Variants in TRPC4AP observed in about 807,000 individuals in gnomAD.
TRPC4AP encodes short transient receptor potential channel 4-associated protein.
TRPC4AP carries 45 observed loss-of-function variants against 99.0 expected under a neutral mutation model. The ratio of observed to expected loss-of-function variants is 0.45; its 90% confidence interval spans 0.36 to 0.58. The LOEUF is 0.58. Ranked by LOEUF, TRPC4AP falls within the 20% of genes least tolerant of loss-of-function variation. TRPC4AP has a pLI of 0.00. For missense variants in TRPC4AP, 879 were observed against 985.3 expected (o/e 0.89, Z 1.44); for synonymous variants, 408 against 385.8 (o/e 1.06, Z -0.67).
Position 35,007,634 on chromosome 20 carries a change from C to G in TRPC4AP, c.1602G>C (p.Trp534Cys). The change falls in exon 14 of 19, where the codon TGG (tryptophan) becomes TGC (cysteine). Residue 534 changes from tryptophan (W) to cysteine (C), a missense_variant. By Grantham distance (215) the Trp-to-Cys change is radical. Coordinates refer to ENST00000252015, the MANE Select transcript of TRPC4AP (RefSeq NM_015638.3). ...KEPAESSFRF[W>C]QARAVESFLR... Reference sequence around the variant, plus strand: ...GGAAACTCTCCACAGCCCGAGCTTGCCAAAACCTGCGACCCAAATACTGGC... The same window carrying G: ...GGAAACTCTCCACAGCCCGAGCTTGGCAAAACCTGCGACCCAAATACTGGC... 1 of 1,614,194 alleles carries G rather than the reference C, an allele frequency of 6.2e-7. No homozygotes were observed.
chr20:35,081,878 G>C (rs1338259562), intron 1 of TRPC4AP, among the ~76,000 whole-genome samples: 1 of 152,022 alleles, frequency 6.6e-6, no homozygotes, highest in Admixed American at 6.6e-5. Context: ...CCAGTTACTC[G>C]AGAGGCTGAG....
Position 35,030,100 on chromosome 20 carries a change from G to A in TRPC4AP, c.1051+5023C>T, listed in dbSNP as rs541403794. 2.0e-5 allele frequency among the ~76,000 whole-genome samples: 3 copies of A among 151,254 alleles called. No homozygotes were observed. In the South Asian group the frequency reaches 6.3e-4, roughly 32 times the overall value. ...CTACTAAAAATACAAAATTAGCTGG[G>A]CATGGTGGCACATGCCTGTAATCCC... is the stretch of plus-strand genomic sequence containing the variant. On this transcript the variant is annotated intron_variant, in intron 8 of 18. Transcript: ENST00000252015.
At chr20:35,011,036 G>A (rs1227697001) in intron 11 of TRPC4AP, among the ~76,000 whole-genome samples, 2 of 152,176 alleles carry the variant, frequency 1.3e-5, no homozygotes, top group African/African-American at 4.8e-5. Context: ...CCAGGCGGGT[G>A]GATCACGAGG....
At position 35,078,102 on chromosome 20, in the gene TRPC4AP, G is replaced by A; in HGVS notation, c.241C>T (p.Leu81=). 1 of 1,614,036 alleles carries A rather than the reference G, an allele frequency of 6.2e-7. No homozygotes were observed. Among genetic ancestry groups the A allele is most frequent in the Non-Finnish European group, 8.5e-7 (1 of 1,179,926 alleles). The part of the protein sequence containing the change: ...WSGIPQLLLK[L]HTTSHLHSDF... ...CTGTGGAGGTGGCTGGTGGTGTGCA[G>A]CTTGAGGAGCAGCTGAGGAATTCCA... Residue 81 remains leucine, a synonymous_variant, in exon 2 of 19, where the codon CTG becomes TTG. Transcript: ENST00000252015.
chr20:35,004,089 C>G (rs538805434), intron 17 of TRPC4AP, among the ~76,000 whole-genome samples: 5 of 152,210 alleles, frequency 3.3e-5, no homozygotes, highest in African/African-American at 4.8e-5. Context: ...ATCACCCTCA[C>G]TCTAGAAAAG....
At chr20:35,059,185 A>G (rs2083915553) in intron 3 of TRPC4AP, among the ~76,000 whole-genome samples, 1 of 152,178 alleles carries the variant, frequency 6.6e-6, no homozygotes, top group South Asian at 2.1e-4. Context: ...ACTGACCAAG[A>G]AAAAAGGAGA....
At chr20:35,068,984 A>AAACC (rs2084229554) in intron 3 of TRPC4AP, among the ~76,000 whole-genome samples, 1 of 140,174 alleles carries the variant, frequency 7.1e-6, no homozygotes, top group Non-Finnish European at 1.5e-5. Context: ...CACACAAAAA[A>AAACC]AACAAAACAT....
intron 6 of TRPC4AP, among the ~76,000 whole-genome samples, chr20:35,048,883 T>C (rs998687804): frequency 2.6e-5 from 4 of 152,188 alleles, no homozygotes; most frequent in Admixed American, 6.5e-5. Flanking sequence ...AGGGTCTGTC[T>C]GGGGCCTGCA....
intron 11 of TRPC4AP, among the ~76,000 whole-genome samples, chr20:35,012,641 C>T (rs1282798554): frequency 1.3e-5 from 2 of 152,214 alleles, no homozygotes; most frequent in Admixed American, 6.5e-5. Context: ...AGTAAGCAGT[C>T]GGCTTTGCCT....
intron 1 of TRPC4AP, among the ~76,000 whole-genome samples, chr20:35,089,632 T>C (rs956582185): frequency 1.3e-5 from 2 of 152,092 alleles, no homozygotes; most frequent in Admixed American, 6.6e-5. Context: ...AGGGGGATCA[T>C]GACGTCAGGA....
intron 1 of TRPC4AP, among the ~76,000 whole-genome samples, chr20:35,086,487 A>ATGTGTG (rs1569157697): frequency 1.2e-4 from 10 of 84,366 alleles, no homozygotes; most frequent in African/African-American, 8.7e-4. Context: ...ATGTGTGTGT[A>ATGTGTG]TATATATATG....
intron 3 of TRPC4AP, among the ~76,000 whole-genome samples, chr20:35,068,873 G>C (rs1047848947): frequency 1.3e-5 from 2 of 150,846 alleles, no homozygotes; most frequent in African/African-American, 2.4e-5. Flanking sequence ...GTACAGAATA[G>C]TGTAGCCGTG....
In TRPC4AP at chr20:35,092,628, C is replaced by CCAGG; in HGVS notation, c.150_153dup (p.Val52ProfsTer9). On this transcript the variant is annotated frameshift_variant, in exon 1 of 19. Transcript: ENST00000252015. LOFTEE classifies it high-confidence loss of function. ...CAGCCTCGTACCTGCACCGCCCGGA[C>CCAGG]CAGGCCCCGGCCGGTCAGCTGGCCC... The CCAGG allele has an allele frequency of 6.6e-7, 1 of 1,513,698 alleles. No individual in the cohort carries two copies. The highest frequency in any genetic ancestry group is 1.2e-5 in the South Asian group (1 of 82,308). The allele number at this position is 1,513,698 out of a possible 1,614,324, so 93.8% of individuals were successfully genotyped here.
chr20:35,079,485 G>C (rs780419253), intron 1 of TRPC4AP, among the ~76,000 whole-genome samples: 5 of 151,992 alleles, frequency 3.3e-5, no homozygotes, highest in African/African-American at 4.8e-5. Flanking sequence ...GTAAACTACA[G>C]AAAGAGCAGT....
At position 35,024,825 on chromosome 20, in the gene TRPC4AP, C is replaced by CAAAAAA. The variant is rs778161091; in HGVS notation, c.1052-3475_1052-3470dup. The stretch of plus-strand genomic sequence containing the variant: ...CCTAGGTGACAGAGAGAGACCGTCT[C>CAAAAAA]AAAAAAAAAAAAAAAAAAAAAAAAA... On this transcript the variant is annotated intron_variant, in intron 8 of 18. Transcript: ENST00000252015. 3.1e-4 allele frequency among the ~76,000 whole-genome samples: 11 copies of CAAAAAA among 35,860 alleles called. 1 individual carries two copies. The highest frequency in any genetic ancestry group is 3.4e-4 in the African/African-American group (3 of 8,750). The allele number at this position is 35,860 out of a possible 152,430, so 23.5% of individuals were successfully genotyped here.
At chr20:35,006,352 G>A in intron 15 of TRPC4AP, 83 bp downstream of exon 15, 2 of 1,536,536 alleles carry the variant, frequency 1.3e-6, no homozygotes, top group Middle Eastern at 1.7e-4. Flanking sequence ...CGTAAAACCT[G>A]TGCCTAAAGC....
intron 4 of TRPC4AP, among the ~76,000 whole-genome samples, chr20:35,056,681 T>G (rs2083833980): frequency 6.6e-6 from 1 of 152,072 alleles, no homozygotes; most frequent in Admixed American, 6.6e-5. Context: ...CACTTTTTTA[T>G]TTTAAATTAA....
intron 3 of TRPC4AP, among the ~76,000 whole-genome samples, chr20:35,061,140 G>A (rs532298664): frequency 6.6e-6 from 1 of 152,074 alleles, no homozygotes; most frequent in South Asian, 2.1e-4. Flanking sequence ...CAAGAGTTCA[G>A]CAAGATTTCA....
At chr20:35,044,415 A>AT in intron 7 of TRPC4AP, 90 bp downstream of exon 7, 2 of 1,210,148 alleles carry the variant, frequency 1.7e-6, no homozygotes, top group Non-Finnish European at 2.3e-6. Flanking sequence ...AAAAAAAAAA[A>AT]GAAAAGAAAA....
Sources: allele counts gnomAD v4.1 joint callset (sites outside exome capture counted in the v4.1 genomes callset), GRCh38; gene constraint gnomAD v4.1.1; transcripts MANE v1.5; gene names NCBI Gene and HGNC (gene_info 2026-07-23, HGNC 2026-07-21).